CARM1: variants seen among roughly 807,000 people sequenced by gnomAD.
CARM1 encodes the protein coactivator associated arginine methyltransferase 1.
Under a neutral mutation model 72.7 loss-of-function variants are expected in CARM1, and 14 were observed. The ratio of observed to expected loss-of-function variants is 0.19; its 90% CI spans 0.13 to 0.30. The LOEUF is 0.30. Among genes scored for constraint, CARM1 ranks in the 10% least tolerant of loss-of-function variants. The probability of loss-of-function intolerance (pLI) is 1.00; values close to 1 mark genes in which losing one functional copy is unlikely to be tolerated. For missense variants in CARM1, 432 were observed against 833.7 expected (o/e 0.52, Z 5.93); for synonymous variants, 333 against 345.5 (o/e 0.96, Z 0.40).
chr19:10,895,502 G>A (rs1249698195), intron 1 of CARM1, among the ~76,000 whole-genome samples: 1 of 152,228 alleles, frequency 6.6e-6, no homozygotes, highest in Non-Finnish European at 1.5e-5. Context: ...TTGCTTTCTG[G>A]AAGCAAGGGG....
chr19:10,902,666 C>T (rs1008793638), intron 1 of CARM1, among the ~76,000 whole-genome samples: 9 of 150,162 alleles, frequency 6.0e-5, no homozygotes, highest in Non-Finnish European at 7.4e-5. Flanking sequence ...TAGAGTGCAG[C>T]GTTGCCATCT....
intron 1 of CARM1, among the ~76,000 whole-genome samples, chr19:10,897,717 G>GT (rs1417554017): frequency 1.3e-5 from 2 of 152,166 alleles, no homozygotes; most frequent in African/African-American, 4.8e-5. Context: ...GCCGGGCACG[G>GT]TGGCTCACAC....
At chr19:10,898,667 A>C (rs1322700090) in intron 1 of CARM1, among the ~76,000 whole-genome samples, 1 of 152,198 alleles carries the variant, frequency 6.6e-6, no homozygotes, top group Non-Finnish European at 1.5e-5. Context: ...ATCTGTGGCG[A>C]GCACTGAATC....
intron 1 of CARM1, among the ~76,000 whole-genome samples, chr19:10,875,746 GACACT>G (rs1486404342): frequency 1.3e-5 from 2 of 151,280 alleles, no homozygotes; most frequent in Admixed American, 1.3e-4. Flanking sequence ...TTCTTATAAG[GACACT>G]GGGCATTGGA....
chr19:10,920,959 C>T lies in CARM1; in HGVS notation c.1537+13C>T. On this transcript the variant is annotated intron_variant, in intron 13 of 15. Transcript: ENST00000327064. The surrounding 1 kb of genome is among the most constrained non-coding windows in gnomAD (Gnocchi z 5.3). ...ATGGCCGTGGCAGGTGAGCAGGGCC[C>T]ACCCCAATGCCCAGCCAACCCGGGA... is the stretch of plus-strand genomic sequence containing the variant. The T allele has an allele frequency of 1.9e-6, 3 of 1,613,378 alleles. No individual in the cohort carries two copies. The highest frequency in any genetic ancestry group is 1.7e-5 in the Admixed American group (1 of 60,034).
rs185574863 is a variant in CARM1 at position 10,909,759 on chromosome 19, A to C, written c.558+552A>C. 3.4e-3 allele frequency among the ~76,000 whole-genome samples: 478 copies of C among 139,806 alleles called. 4 individuals carry two copies. The highest frequency in any genetic ancestry group is 0.011 in the African/African-American group (431 of 38,714). 91.7% of individuals were successfully genotyped at this position (139,806 alleles called of 152,430 possible). On this transcript the variant is annotated intron_variant, in intron 4 of 15. Coordinates refer to ENST00000327064, the MANE Select transcript of CARM1 (RefSeq NM_199141.2). The stretch of plus-strand genomic sequence containing the variant: ...CTCAAAAAACAAACAAACAAACAAA[A>C]AAAACAAAAAGCAAGAAAAACAAAT...
chr19:10,876,306 G>A (rs1362013092), intron 1 of CARM1, among the ~76,000 whole-genome samples: 5 of 152,208 alleles, frequency 3.3e-5, no homozygotes, highest in Non-Finnish European at 5.9e-5. Flanking sequence ...GATTACAGAC[G>A]TGAGCCACTG....
chr19:10,908,403 C>T (rs1053105608), intron 3 of CARM1: 8 of 438,082 alleles, frequency 1.8e-5, no homozygotes, highest in Non-Finnish European at 3.0e-5. Flanking sequence ...GGGCCACAGG[C>T]GTTGTGAATA....
intron 4 of CARM1, 63 bp downstream of exon 4, chr19:10,909,270 A>C (rs571863129): frequency 1.3e-4 from 127 of 1,014,472 alleles, no homozygotes; most frequent in Non-Finnish European, 1.9e-4. Context: ...TTCTTTGCTC[A>C]TTGATTTTAT....
In CARM1 at chr19:10,871,947, C is replaced by T; in HGVS notation, c.220+25C>T. The T allele has an allele frequency of 8.5e-7, 1 of 1,177,534 alleles. No homozygotes were observed. The highest frequency in any genetic ancestry group is 1.0e-6 in the Non-Finnish European group (1 of 952,670). The allele number at this position is 1,177,534 out of a possible 1,614,324, so 72.9% of individuals were successfully genotyped here. On this transcript the variant is annotated intron_variant, in intron 1 of 15. Transcript: ENST00000327064. This position sits in a 1 kb window ranked among gnomAD's most constrained non-coding sequence, Gnocchi z 5.6. ...CGTGAGTACGGGGCCCCGGGGCAGG[C>T]GCAGGGCCGGGGCTGCTCACGAGGC... is the stretch of plus-strand genomic sequence containing the variant.
intron 2 of CARM1, 92 bp downstream of exon 2, chr19:10,905,168 C>T (rs1005888459): frequency 4.7e-6 from 7 of 1,481,920 alleles, no homozygotes; most frequent in South Asian, 1.2e-5. Context: ...AGGGGTGGCC[C>T]GTGCATCCTT....
intron 1 of CARM1, among the ~76,000 whole-genome samples, chr19:10,888,406 G>C (rs1048241410): frequency 1.3e-5 from 2 of 152,180 alleles, no homozygotes; most frequent in Non-Finnish European, 2.9e-5. Flanking sequence ...TCATCGCTCT[G>C]TTGCTTGGTT....
intron 1 of CARM1, among the ~76,000 whole-genome samples, chr19:10,887,726 T>C (rs1212113175): frequency 6.6e-6 from 1 of 152,200 alleles, no homozygotes; most frequent in Non-Finnish European, 1.5e-5. Flanking sequence ...TACAGGCATG[T>C]GCCAGCATGC....
chr19:10,904,044 A>T (rs182743354), intron 1 of CARM1, among the ~76,000 whole-genome samples: 1 of 152,280 alleles, frequency 6.6e-6, no homozygotes, highest in Admixed American at 6.5e-5. Context: ...GTTTGGCTCC[A>T]GCCCAGGGTC....
intron 1 of CARM1, among the ~76,000 whole-genome samples, chr19:10,901,050 C>T (rs551421605): frequency 6.7e-6 from 1 of 150,218 alleles, no homozygotes; most frequent in African/African-American, 2.5e-5. Context: ...GGCGCTATCT[C>T]AGCTCACTGC....
At chr19:10,901,225 T>C (rs930469751) in intron 1 of CARM1, among the ~76,000 whole-genome samples, 8 of 150,316 alleles carry the variant, frequency 5.3e-5, no homozygotes, top group African/African-American at 2.0e-4. Context: ...TCAGGTGATC[T>C]GCCTGCCTCG....
chr19:10,915,500 C>A lies in CARM1; in HGVS notation c.848-907C>A, dbSNP rs2074187986. ...CTCTCCCAGTCACATGTCTTCTGGT[C>A]AGCAGGAGCCAGAGGTTCCTTCCAG... On this transcript the variant is annotated intron_variant, in intron 6 of 15. Coordinates refer to ENST00000327064, the MANE Select transcript of CARM1 (RefSeq NM_199141.2). This position sits in a 1 kb window ranked among gnomAD's most constrained non-coding sequence, Gnocchi z 4.6. Among the ~76,000 whole-genome samples the A allele has an allele frequency of 1.3e-5, 2 of 152,106 alleles. No homozygotes were observed. The highest frequency in any genetic ancestry group is 4.1e-4 in the South Asian group (2 of 4,838).
intron 1 of CARM1, among the ~76,000 whole-genome samples, chr19:10,887,764 A>C (rs1187892573): frequency 2.0e-5 from 3 of 152,180 alleles, no homozygotes; most frequent in African/African-American, 4.8e-5. Context: ...CAAGAGGTGC[A>C]CTAGGCAGGG....
rs760962718 is a variant in CARM1, at chr19:10,908,076, G to A, written c.384G>A (p.Arg128=). Residue 128 remains arginine (R), a synonymous_variant, in exon 3 of 16, where the codon CGG becomes CGA. Transcript: ENST00000327064. ...TCTACAACATCCTGAAAACCTGCCG[G>A]GGCCACACCCTGGAGCGGTCTGTGT... ...CSFYNILKTC[R]GHTLERSVFS... is the part of the protein sequence containing the mutation. The A allele has an allele frequency of 3.1e-6, 5 of 1,613,878 alleles. No individual in the cohort carries two copies. Among genetic ancestry groups the A allele is most frequent in the Admixed American group, 1.7e-5 (1 of 59,984 alleles).
Sources: gnomAD v4.1 joint callset for allele counts (sites outside exome capture counted in the v4.1 genomes callset) on GRCh38, gnomAD v4.1.1 for gene constraint, Gnocchi (gnomAD v3.1) non-coding constraint, MANE v1.5 for transcripts, NCBI Gene and HGNC (gene_info 2026-07-23, HGNC 2026-07-21) for gene names.